IFI35: variants seen among roughly 807,000 people sequenced by gnomAD.
The protein encoded by IFI35 is interferon-induced 35 kDa protein.
IFI35 carries 30 observed loss-of-function variants against 28.6 expected under a neutral mutation model. That is an observed-to-expected ratio of 1.05 (90% CI 0.79 to 1.43). The LOEUF (loss-of-function observed/expected upper bound fraction) is 1.43. IFI35 is among the 40% of genes most tolerant of loss of function. The probability of loss-of-function intolerance (pLI) is 0.00; values close to 1 mark genes in which losing one functional copy is unlikely to be tolerated. For synonymous variants in IFI35, 146 were observed against 154.8 expected, an observed-to-expected ratio of 0.94 and a Z score of 0.42; for missense variants, 372 against 356.9, an observed-to-expected ratio of 1.04 and a Z score of -0.34.
Position 43,013,210 on chromosome 17 carries a change from G to A in IFI35, c.268+16G>A. The A allele has an allele frequency of 6.2e-7, 1 of 1,614,116 alleles. No homozygotes were observed. The highest frequency in any genetic ancestry group is 8.5e-7 in the Non-Finnish European group (1 of 1,179,988). On this transcript the variant is annotated intron_variant, in intron 3 of 6. Coordinates refer to ENST00000415816, the MANE Select transcript of IFI35 (RefSeq NM_001330230.2). ...GACCCCAAAGGTAAGCTCATGGGGA[G>A]CCTCAGGAGGGAGGTGGGGAGGGTT...
chr17:43,008,235 C>T (rs889430760), intron 1 of IFI35, among the ~76,000 whole-genome samples: 1 of 150,486 alleles, frequency 6.6e-6, no homozygotes, highest in Non-Finnish European at 1.5e-5. Context: ...GGAGTTTCAC[C>T]GTGTTAGCCG....
rs200811245 is a variant in IFI35, at chr17:43,013,851, C to T, written c.638C>T (p.Pro213Leu). The T allele has an allele frequency of 1.4e-4, 230 of 1,608,016 alleles. No individual in the cohort carries two copies. The highest frequency in any genetic ancestry group is 2.4e-4 in the African/African-American group (18 of 74,760). Reference sequence around the variant, plus strand: ...CAGCAAGTCCCTCTGAGAGTCTCTCCGTATGTGAACGGGGAGATCCAGAAG... The same window carrying T: ...CAGCAAGTCCCTCTGAGAGTCTCTCTGTATGTGAACGGGGAGATCCAGAAG... Reference protein sequence around the residue: ...GGQQVPLRVSPYVNGEIQKAE... With the variant: ...GGQQVPLRVSLYVNGEIQKAE... The change falls in exon 6 of 7, where the codon CCG becomes CTG. Residue 213 changes from proline to leucine, a missense_variant. Pro to Leu is a moderately conservative substitution (Grantham distance 98). Coordinates refer to ENST00000415816, the MANE Select transcript of IFI35 (RefSeq NM_001330230.2).
chr17:43,013,987 T>TACCC (rs2050495131), intron 6 of IFI35, 105 bp downstream of exon 6: 13 of 1,280,992 alleles, frequency 1.0e-5, no homozygotes, highest in Non-Finnish European at 1.3e-5. Flanking sequence ...CTGACCTACC[T>TACCC]ACCCACCATC....
At chr17:43,008,615 A>G (rs1597777023) in intron 1 of IFI35, among the ~76,000 whole-genome samples, 1 of 132,416 alleles carries the variant, frequency 7.6e-6, no homozygotes, top group Admixed American at 8.9e-5. Context: ...GCTCCGCCCC[A>G]TGGGTTCATG....
chr17:43,012,262 C>T lies in IFI35; in HGVS notation c.105C>T (p.Asp35=), dbSNP rs147344803. The T allele has an allele frequency of 9.5e-5, 149 of 1,571,674 alleles. No individual in the cohort carries two copies. The highest frequency in any genetic ancestry group is 1.3e-4 in the Non-Finnish European group (145 of 1,157,982). The change falls in exon 2 of 7, where the codon GAC becomes GAT. Residue 35 remains aspartate, a synonymous_variant. Coordinates refer to ENST00000415816, the MANE Select transcript of IFI35 (RefSeq NM_001330230.2). ...DLQQLRKELG[D]SPKDKVPFSV... ...AGCAGCTGAGAAAGGAGCTCGGGGA[C>T]TCCCCCAAAGACAAGGTAAGGTGGG...
intron 6 of IFI35, 37 bp downstream of exon 6, chr17:43,013,919 G>A (rs199741958): frequency 6.8e-6 from 10 of 1,468,376 alleles, no homozygotes; most frequent in Middle Eastern, 2.0e-4. Context: ...GCTGGGCTGG[G>A]TAACCTGTCT....
chr17:43,008,283 C>A (rs1476781561), intron 1 of IFI35, among the ~76,000 whole-genome samples: 2 of 151,044 alleles, frequency 1.3e-5, no homozygotes, highest in Non-Finnish European at 2.9e-5. Flanking sequence ...ATCTGCCCCC[C>A]TCAAGCTCCC....
intron 1 of IFI35, among the ~76,000 whole-genome samples, chr17:43,009,680 G>A (rs2050439971): frequency 6.6e-6 from 1 of 151,882 alleles, no homozygotes; most frequent in South Asian, 2.1e-4. Context: ...TTGAACCCGG[G>A]AGTCAGAGGT....
Position 43,013,516 on chromosome 17 carries a change from G to C in IFI35, c.416G>C (p.Gly139Ala). 6.2e-7 allele frequency: 1 copy of C among 1,614,120 alleles called. No homozygotes were observed. The highest frequency in any genetic ancestry group is 1.1e-5 in the South Asian group (1 of 91,066). ...QLSGRRVLVT[G>A]FPASLRLSEE... ...AGTGGCCGGAGGGTGTTGGTCACTG[G>C]ATTTCCTGCCAGCCTCAGGCTGAGT... Residue 139 changes from glycine (G) to alanine (A), a missense_variant, in exon 5 of 7, where the codon GGA becomes GCA. Physicochemically the swap from Gly to Ala is moderately conservative, Grantham distance 60. Coordinates refer to ENST00000415816, the MANE Select transcript of IFI35 (RefSeq NM_001330230.2).
Position 43,012,255 on chromosome 17 carries a change from T to C in IFI35, c.98T>C (p.Leu33Pro), listed in dbSNP as rs1222595930. The change falls in exon 2 of 7, where the codon CTC becomes CCC. Residue 33 changes from leucine to proline, a missense_variant. Leu to Pro is a moderately conservative substitution (Grantham distance 98). Transcript: ENST00000415816. ...LWDLQQLRKE[L>P]GDSPKDKVPF... ...GACCTGCAGCAGCTGAGAAAGGAGC[T>C]CGGGGACTCCCCCAAAGACAAGGTA... 2 of 1,574,536 alleles carry C rather than the reference T, an allele frequency of 1.3e-6. No homozygotes were observed. Among genetic ancestry groups the C allele is most frequent in the African/African-American group, 2.7e-5 (2 of 74,126 alleles).
rs1416370209 is a variant in IFI35, at chr17:43,014,362, G to A, written c.*63G>A. Reference sequence around the variant, plus strand: ...GGTTCTCACACTGGCCTGGGCTTGGGTGCCCATATAGGAGGTCTGTATGTT... The same window carrying A: ...GGTTCTCACACTGGCCTGGGCTTGGATGCCCATATAGGAGGTCTGTATGTT... On this transcript the variant is annotated 3_prime_UTR_variant, in exon 7 of 7. Transcript: ENST00000415816. 1 of 1,268,120 alleles carries A rather than the reference G, an allele frequency of 7.9e-7. No individual in the cohort carries two copies. The highest frequency in any genetic ancestry group is 1.1e-6 in the Non-Finnish European group (1 of 924,216). The allele number at this position is 1,268,120 out of a possible 1,614,324, so 78.6% of individuals were successfully genotyped here.
rs925759048 is a variant in IFI35, at chr17:43,014,438, A to T, written c.*139A>T. 2.5e-5 allele frequency: 12 copies of T among 486,282 alleles called. No homozygotes were observed. Among genetic ancestry groups the T allele is most frequent in the Middle Eastern group, 1.1e-3 (2 of 1,874 alleles). The allele number at this position is 486,282 out of a possible 1,614,324, so 30.1% of individuals were successfully genotyped here. A position where few individuals can be genotyped will look rare whatever the true frequency, so the allele number is the denominator to read the frequency against. On this transcript the variant is annotated 3_prime_UTR_variant, in exon 7 of 7. Coordinates refer to ENST00000415816, the MANE Select transcript of IFI35 (RefSeq NM_001330230.2). The stretch of plus-strand genomic sequence containing the variant: ...ATTGCAAAACACTGCCCAGAACAGT[A>T]AAAAGAGCCTGCATGCCATGATGTT...
At chr17:43,010,858 A>T (rs2050452045) in intron 1 of IFI35, among the ~76,000 whole-genome samples, 1 of 152,198 alleles carries the variant, frequency 6.6e-6, no homozygotes, top group African/African-American at 2.4e-5. Flanking sequence ...TTTCCAAGAG[A>T]TCTCATGCTT....
At chr17:43,007,863 A>G (rs2151967711) in intron 1 of IFI35, among the ~76,000 whole-genome samples, 1 of 144,644 alleles carries the variant, frequency 6.9e-6, no homozygotes, top group East Asian at 2.0e-4. Context: ...ATATATATAT[A>G]TATATATATA....
chr17:43,013,916 TG>T, intron 6 of IFI35, 34 bp downstream of exon 6: 1 of 1,473,936 alleles, frequency 6.8e-7, no homozygotes, highest in East Asian at 2.3e-5. Flanking sequence ...GGGGCTGGGC[TG>T]GGTAACCTGT....
chr17:43,012,692 G>T, intron 2 of IFI35: 1 of 276,988 alleles, frequency 3.6e-6, no homozygotes, highest in South Asian at 4.6e-5. Flanking sequence ...CCAAGATCAT[G>T]CCACTACACT....
chr17:43,012,050 G>A, intron 1 of IFI35, 129 bp from the exon 2 acceptor site: 1 of 626,292 alleles, frequency 1.6e-6, no homozygotes, highest in Admixed American at 3.0e-5. Flanking sequence ...GCACAAAGGG[G>A]TTGGGTTGTT....
intron 1 of IFI35, among the ~76,000 whole-genome samples, chr17:43,011,535 A>G (rs1243671270): frequency 6.6e-6 from 1 of 152,128 alleles, no homozygotes; most frequent in Non-Finnish European, 1.5e-5. Context: ...AAATAAATAA[A>G]TAAAAATTAA....
chr17:43,014,326 C>T lies in IFI35; in HGVS notation c.*27C>T, dbSNP rs780721062. 13 of 1,491,130 alleles carry T rather than the reference C, an allele frequency of 8.7e-6. No individual in the cohort carries two copies. The highest frequency in any genetic ancestry group is 5.4e-5 in the South Asian group (4 of 74,110). 92.4% of individuals were successfully genotyped at this position (1,491,130 alleles called of 1,614,324 possible). A position where few individuals can be genotyped will look rare whatever the true frequency, so the allele number is the denominator to read the frequency against. The stretch of plus-strand genomic sequence containing the variant: ...GGCCTCCCCTTCTCATCCTCCCCAC[C>T]CCCCCGCCAAGGTTCTCACACTGGC... On this transcript the variant is annotated 3_prime_UTR_variant, in exon 7 of 7. Coordinates refer to ENST00000415816, the MANE Select transcript of IFI35 (RefSeq NM_001330230.2).
Sources: gnomAD v4.1 joint callset for allele counts (sites outside exome capture counted in the v4.1 genomes callset) on GRCh38, gnomAD v4.1.1 for gene constraint, MANE v1.5 for transcripts, NCBI Gene and HGNC (gene_info 2026-07-23, HGNC 2026-07-21) for gene names.